Variants in TFDP2 observed in about 807,000 individuals in gnomAD.
TFDP2 encodes the protein transcription factor Dp-2 (E2F dimerization partner 2).
Under a neutral mutation model 59.3 loss-of-function variants are expected in TFDP2, and 17 were observed. That is an observed-to-expected ratio of 0.29 (90% CI 0.20 to 0.43). TFDP2 has a LOEUF of 0.43. Ranked by LOEUF, TFDP2 falls within the 20% of genes least tolerant of loss-of-function variation. The pLI, the probability that TFDP2 is intolerant of heterozygous loss-of-function variation, is 1.00. For synonymous variants in TFDP2, 180 were observed against 194.7 expected (o/e 0.92, Z 0.63); for missense variants, 391 against 528.8 (o/e 0.74, Z 2.56).
chr3:142,062,192 T>A lies in TFDP2; in HGVS notation c.82+30869A>T, dbSNP rs79576228. Among the ~76,000 whole-genome samples the A allele has an allele frequency of 5.2e-4, 79 of 152,174 alleles. No individual in the cohort carries two copies. In the East Asian group the frequency reaches 5.8e-3, roughly 11 times the overall value. On this transcript the variant is annotated intron_variant, in intron 3 of 12. Coordinates refer to ENST00000489671, the MANE Select transcript of TFDP2 (RefSeq NM_001178139.2). ...TTTTCCTTTCTCTGGCTTACTTTAT[T>A]GTAAGAATACAGTACACAATCTATA...
rs369160511 is a variant in TFDP2, at chr3:142,107,683, A to T, written c.-92-5842T>A. ...TAGTATTATTTTCATTTTACAGAAG[A>T]CAAAACAGTTTTAGAGAGTTCAAGC... is the stretch of plus-strand genomic sequence containing the variant. On this transcript the variant is annotated intron_variant, in intron 1 of 12. Coordinates refer to ENST00000489671, the MANE Select transcript of TFDP2 (RefSeq NM_001178139.2). Among the ~76,000 whole-genome samples, 25 of 152,304 alleles carry T rather than the reference A, an allele frequency of 1.6e-4. No individual in the cohort carries two copies. In the East Asian group the frequency reaches 3.9e-3, roughly 24 times the overall value.
At chr3:142,052,749 A>G (rs933338070) in intron 3 of TFDP2, among the ~76,000 whole-genome samples, 3 of 151,898 alleles carry the variant, frequency 2.0e-5, no homozygotes, top group Admixed American at 6.6e-5. Context: ...CACCCCTCCC[A>G]AGGGTAGTTC....
At chr3:141,983,586 G>A (rs1024403377) in intron 6 of TFDP2, among the ~76,000 whole-genome samples, 2 of 147,606 alleles carry the variant, frequency 1.4e-5, no homozygotes, top group Non-Finnish European at 3.0e-5. Flanking sequence ...TGCAGTTCAC[G>A]CCATCACACG....
At chr3:141,977,106 ATTT>A (rs66720095) in intron 7 of TFDP2, among the ~76,000 whole-genome samples, 13 of 97,500 alleles carry the variant, frequency 1.3e-4, no homozygotes, top group Middle Eastern at 5.1e-3. Flanking sequence ...ATATATATAT[ATTT>A]TTTTTTTTTT....
chr3:142,037,560 TA>T (rs1281937861), intron 3 of TFDP2, among the ~76,000 whole-genome samples: 1 of 152,144 alleles, frequency 6.6e-6, no homozygotes, highest in Non-Finnish European at 1.5e-5. Flanking sequence ...AAGGCTCACA[TA>T]ATACCCATAA....
intron 3 of TFDP2, among the ~76,000 whole-genome samples, chr3:142,059,064 G>A (rs1039483210): frequency 3.3e-5 from 5 of 152,092 alleles, no homozygotes; most frequent in African/African-American, 1.2e-4. Context: ...CAGAACTGGA[G>A]GCAATGAACA....
intron 3 of TFDP2, chr3:142,043,902 C>T (rs1947167308): frequency 1.0e-6 from 1 of 980,340 alleles, no homozygotes. Context: ...TTCTAAGCAG[C>T]CGGCGCAGAA....
rs66981475 is a variant in TFDP2, at chr3:142,042,630, CTTTTTTTTTTT to C, written c.83-37097_83-37087del. On this transcript the variant is annotated intron_variant, in intron 3 of 12. Coordinates refer to ENST00000489671, the MANE Select transcript of TFDP2 (RefSeq NM_001178139.2). ...CTTTTTCTTTCTTTTCTTTTCTTTTCTTTTTTTTTTTTTTTTTTTTACCATTTATTAGTGCA... is the reference window on the plus strand; with the variant it reads ...CTTTTTCTTTCTTTTCTTTTCTTTTCTTTTTTTTTACCATTTATTAGTGCA... 7.4e-5 allele frequency among the ~76,000 whole-genome samples: 8 copies of C among 108,206 alleles called. No homozygotes were observed. In the South Asian group the frequency reaches 1.7e-3, roughly 23 times the overall value. The allele number at this position is 108,206 out of a possible 152,430, so 71.0% of individuals were successfully genotyped here.
chr3:142,059,901 T>C (rs2059861519), intron 3 of TFDP2, among the ~76,000 whole-genome samples: 1 of 152,132 alleles, frequency 6.6e-6, no homozygotes, highest in Non-Finnish European at 1.5e-5. Flanking sequence ...CTTTCTTTCC[T>C]TCTATTTGGA....
intron 1 of TFDP2, among the ~76,000 whole-genome samples, chr3:142,131,547 T>C (rs753692999): frequency 4.0e-5 from 6 of 150,356 alleles, no homozygotes; most frequent in Non-Finnish European, 8.8e-5. Flanking sequence ...AGGACCCATA[T>C]GTTAAATTGT....
intron 6 of TFDP2, among the ~76,000 whole-genome samples, chr3:141,986,909 C>G (rs760084245): frequency 1.4e-4 from 21 of 152,266 alleles, no homozygotes; most frequent in Non-Finnish European, 2.8e-4. Flanking sequence ...CTGATAAGCA[C>G]TTTTTCATGT....
intron 3 of TFDP2, among the ~76,000 whole-genome samples, chr3:142,016,941 T>G (rs1479051663): frequency 1.3e-5 from 2 of 152,174 alleles, no homozygotes; most frequent in East Asian, 3.8e-4. Flanking sequence ...CTCTCCCTAC[T>G]TCATTCCTCT....
rs116586925 is a variant in TFDP2 at position 142,022,475 on chromosome 3, C to A, written c.83-16931G>T. Among the ~76,000 whole-genome samples the A allele has an allele frequency of 3.2e-3, 487 of 152,296 alleles. 1 individual carries two copies. Among genetic ancestry groups the A allele is most frequent in the African/African-American group, 0.011 (459 of 41,554 alleles). On this transcript the variant is annotated intron_variant, in intron 3 of 12. Transcript: ENST00000489671. ...CTGTTTAGCCCATTTTCAATCACCA[C>A]TGTTAGCACCATCACAACAGTCAAT...
At chr3:142,056,392 TA>T (rs1263665343) in intron 3 of TFDP2, among the ~76,000 whole-genome samples, 1 of 150,402 alleles carries the variant, frequency 6.6e-6, no homozygotes, top group Admixed American at 6.6e-5. Flanking sequence ...AATAGACAAT[TA>T]AAATATAGTG....
intron 1 of TFDP2, among the ~76,000 whole-genome samples, chr3:142,106,116 TAA>T (rs766367361): frequency 6.9e-6 from 1 of 145,550 alleles, no homozygotes; most frequent in Non-Finnish European, 1.5e-5. Flanking sequence ...TAATTGTGGT[TAA>T]AAAAAAAAAC....
intron 3 of TFDP2, among the ~76,000 whole-genome samples, chr3:142,072,006 T>C (rs532422109): frequency 6.6e-5 from 10 of 152,028 alleles, no homozygotes; most frequent in African/African-American, 2.4e-4. Flanking sequence ...TAAGAATAGG[T>C]GAAATCACCT....
At chr3:142,084,003 T>C (rs2060725664) in intron 3 of TFDP2, among the ~76,000 whole-genome samples, 2 of 152,030 alleles carry the variant, frequency 1.3e-5, no homozygotes, top group South Asian at 4.1e-4. Flanking sequence ...AATGGACAAA[T>C]GCGAACATAC....
At position 142,053,869 on chromosome 3, in the gene TFDP2, C is replaced by A. The variant is rs1280385442; in HGVS notation, c.82+39192G>T. ...GTAACCAAAGAAAATATGCTGATGG[C>A]AAATAAGCACATGAAAAGATTCGTA... On this transcript the variant is annotated intron_variant, in intron 3 of 12. Transcript: ENST00000489671. Among the ~76,000 whole-genome samples, 7 of 151,942 alleles carry A rather than the reference C, an allele frequency of 4.6e-5. No individual in the cohort carries two copies. The East Asian group carries it at 5.8e-4, about 13-fold the overall frequency.
intron 3 of TFDP2, among the ~76,000 whole-genome samples, chr3:142,018,624 T>C (rs1173782895): frequency 6.6e-6 from 1 of 152,010 alleles, no homozygotes; most frequent in Non-Finnish European, 1.5e-5. Context: ...TTTAAATTTT[T>C]TGTAGAGACA....
Sources: gnomAD v4.1 joint callset for allele counts (sites outside exome capture counted in the v4.1 genomes callset) on GRCh38, gnomAD v4.1.1 for gene constraint, MANE v1.5 for transcripts, NCBI Gene and HGNC (gene_info 2026-07-23, HGNC 2026-07-21) for gene names.